TXK: variants seen among roughly 807,000 people sequenced by gnomAD.
The protein encoded by TXK is TXK tyrosine kinase.
Under a neutral mutation model 81.0 loss-of-function variants are expected in TXK, and 60 were observed. That is an observed-to-expected ratio of 0.74 (90% confidence interval 0.60 to 0.92). TXK has a LOEUF of 0.92. Ranked by LOEUF, TXK falls within the 40% of genes least tolerant of loss-of-function variation. The pLI is 0.00. For missense variants in TXK, 581 were observed against 638.3 expected, an observed-to-expected ratio of 0.91 and a Z score of 0.97; for synonymous variants, 203 against 210.7, an observed-to-expected ratio of 0.96 and a Z score of 0.32.
chr4:48,095,725 A>C (rs951427828), intron 6 of TXK, among the ~76,000 whole-genome samples: 4 of 152,170 alleles, frequency 2.6e-5, no homozygotes, highest in African/African-American at 9.7e-5. Flanking sequence ...GTCTGAAAAG[A>C]AAAGCAAAAG....
chr4:48,071,338 A>G (rs1716844826), intron 14 of TXK, among the ~76,000 whole-genome samples, 179 bp downstream of exon 14: 1 of 152,218 alleles, frequency 6.6e-6, no homozygotes, highest in Non-Finnish European at 1.5e-5. Flanking sequence ...TGTTCAAAAC[A>G]AAATGGATTC....
chr4:48,068,838 G>A (rs6830656), intron 14 of TXK, among the ~76,000 whole-genome samples: 120,482 of 125,460 alleles, frequency 0.96, 58,100 homozygotes, highest in Middle Eastern at 1. Context: ...GAGAGCATCA[G>A]TAAAATAAAC....
At chr4:48,107,829 G>C (rs1718504259) in intron 5 of TXK, among the ~76,000 whole-genome samples, 1 of 151,054 alleles carries the variant, frequency 6.6e-6, no homozygotes, top group South Asian at 2.1e-4. Context: ...TTGGGAGGTA[G>C]AGGCGGGCGG....
chr4:48,097,223 A>G (rs1280893684), intron 6 of TXK, among the ~76,000 whole-genome samples: 1 of 152,178 alleles, frequency 6.6e-6, no homozygotes, highest in Non-Finnish European at 1.5e-5. Context: ...AAAAATAATA[A>G]GTCACAAGGA....
Position 48,076,435 on chromosome 4 carries a change from C to T in TXK, c.1205G>A (p.Cys402Tyr), listed in dbSNP as rs763609935. The T allele has an allele frequency of 1.2e-6, 2 of 1,612,722 alleles. No homozygotes were observed. The highest frequency in any genetic ancestry group is 1.7e-6 in the Non-Finnish European group (2 of 1,179,508). The part of the protein sequence containing the change: ...AARNCLVSST[C>Y]IVKISDFGMT... ...TCCAAAGTCTGAAATTTTTACTATGCATGTTGAACTGACCAAACAATTCCT... is the reference window on the plus strand; with the variant it reads ...TCCAAAGTCTGAAATTTTTACTATGTATGTTGAACTGACCAAACAATTCCT... The change falls in exon 12 of 15, where the codon TGC becomes TAC. Residue 402 changes from cysteine to tyrosine, a missense_variant. Cys to Tyr is a radical substitution (Grantham distance 194). Transcript: ENST00000264316.
intron 4 of TXK, among the ~76,000 whole-genome samples, chr4:48,110,862 A>T (rs891523164): frequency 6.6e-6 from 1 of 152,206 alleles, no homozygotes; most frequent in Non-Finnish European, 1.5e-5. Flanking sequence ...AGAGAGAAAA[A>T]GGGGCACTTA....
intron 2 of TXK, among the ~76,000 whole-genome samples, 167 bp downstream of exon 2, chr4:48,114,181 G>C (rs1202134737): frequency 6.6e-6 from 1 of 152,198 alleles, no homozygotes; most frequent in African/African-American, 2.4e-5. Context: ...CAGATGACCT[G>C]ACATTTGACC....
chr4:48,070,726 G>A (rs1474667900), intron 14 of TXK, among the ~76,000 whole-genome samples: 2 of 151,588 alleles, frequency 1.3e-5, no homozygotes, highest in Admixed American at 1.3e-4. Context: ...TTACAGGCAT[G>A]CACCACCAGG....
intron 1 of TXK, 102 bp from the exon 2 acceptor site, chr4:48,114,504 A>G: frequency 8.0e-7 from 1 of 1,253,256 alleles, no homozygotes. Context: ...AAGCGTATGA[A>G]AGTCTCGATC....
At chr4:48,091,970 A>T (rs1717793883) in intron 8 of TXK, among the ~76,000 whole-genome samples, 1 of 152,240 alleles carries the variant, frequency 6.6e-6, no homozygotes, top group Admixed American at 6.5e-5. Context: ...TAGGAGACAC[A>T]TTTAGGATAT....
chr4:48,122,305 G>A (rs1044673964), intron 1 of TXK, among the ~76,000 whole-genome samples: 1 of 152,088 alleles, frequency 6.6e-6, no homozygotes, highest in South Asian at 2.1e-4. Flanking sequence ...CAGCCACACC[G>A]CAATGCTGCT....
intron 1 of TXK, among the ~76,000 whole-genome samples, chr4:48,117,989 T>C (rs1056886313): frequency 1.3e-5 from 2 of 152,204 alleles, no homozygotes; most frequent in Admixed American, 6.5e-5. Flanking sequence ...TCTCTGGTTA[T>C]ATCTTCCTAT....
chr4:48,077,970 A>G (rs1717135421), intron 11 of TXK, among the ~76,000 whole-genome samples: 1 of 152,204 alleles, frequency 6.6e-6, no homozygotes, highest in Non-Finnish European at 1.5e-5. Flanking sequence ...TCAACTTCAC[A>G]TGAGGCTCAT....
intron 10 of TXK, among the ~76,000 whole-genome samples, chr4:48,085,147 G>A (rs996901249): frequency 1.3e-5 from 2 of 152,100 alleles, no homozygotes; most frequent in African/African-American, 4.8e-5. Context: ...GTCCTGCTCA[G>A]GTTGTTAAAG....
chr4:48,120,769 GCATGAGC>G (rs1326414071), intron 1 of TXK, among the ~76,000 whole-genome samples: 1 of 151,978 alleles, frequency 6.6e-6, no homozygotes, highest in African/African-American at 2.4e-5. Flanking sequence ...GGGATTAAAG[GCATGAGC>G]CAGTCCTCCG....
chr4:48,107,327 G>T (rs1207344231), intron 5 of TXK, among the ~76,000 whole-genome samples: 3 of 151,322 alleles, frequency 2.0e-5, no homozygotes. Flanking sequence ...ATGCACAAAG[G>T]TTCCTCTGAA....
At chr4:48,078,594 G>C (rs549433013) in intron 11 of TXK, among the ~76,000 whole-genome samples, 1 of 152,310 alleles carries the variant, frequency 6.6e-6, no homozygotes, top group African/African-American at 2.4e-5. Flanking sequence ...TTACTCAAGG[G>C]GAGGTAGCAA....
chr4:48,127,971 C>T (rs1336655167), intron 1 of TXK, among the ~76,000 whole-genome samples: 1 of 152,146 alleles, frequency 6.6e-6, no homozygotes, highest in Admixed American at 6.5e-5. Context: ...TGGAAGAAAG[C>T]AAAAGTGAGA....
intron 1 of TXK, among the ~76,000 whole-genome samples, chr4:48,122,420 CTCA>C (rs766772880): frequency 2.6e-5 from 4 of 152,196 alleles, no homozygotes; most frequent in Non-Finnish European, 2.9e-5. Context: ...CAAGTCTTTG[CTCA>C]AATCTCATCT....
Sources: allele counts gnomAD v4.1 joint callset (sites outside exome capture counted in the v4.1 genomes callset), GRCh38; gene constraint gnomAD v4.1.1; transcripts MANE v1.5; gene names NCBI Gene and HGNC (gene_info 2026-07-23, HGNC 2026-07-21).